DLG2: variants seen among roughly 807,000 people sequenced by gnomAD.
DLG2 encodes the protein discs large MAGUK scaffold protein 2, also known as disks large homolog 2.
A neutral mutation model predicts 132.5 loss-of-function variants in DLG2; 45 were observed. That is an observed-to-expected ratio of 0.34 (90% confidence interval 0.27 to 0.44). The LOEUF (loss-of-function observed/expected upper bound fraction) is 0.44. DLG2 is among the 20% of genes least tolerant of loss of function. The probability of loss-of-function intolerance (pLI) is 1.00; values close to 1 mark genes in which losing one functional copy is unlikely to be tolerated. For synonymous variants in DLG2, 424 were observed against 419.6 expected, an observed-to-expected ratio of 1.01 and a Z score of -0.13; for missense variants, 1,045 against 1,196.9, an observed-to-expected ratio of 0.87 and a Z score of 1.87.
chr11:84,663,431 A>G (rs1240851069), intron 6 of DLG2, among the ~76,000 whole-genome samples: 1 of 152,068 alleles, frequency 6.6e-6, no homozygotes, highest in Non-Finnish European at 1.5e-5. Flanking sequence ...ATCTATTCTA[A>G]CAGTCTATTG....
intron 3 of DLG2, among the ~76,000 whole-genome samples, chr11:85,471,189 G>T (rs980021235): frequency 1.3e-4 from 20 of 152,108 alleles, no homozygotes; most frequent in African/African-American, 4.8e-4. Context: ...TGTTCCAGAG[G>T]ATGAAAAAAT....
In DLG2 at chr11:83,465,799, A is replaced by G. The variant is rs909554204; in HGVS notation, c.2729+909T>C. 1.1e-4 allele frequency among the ~76,000 whole-genome samples: 17 copies of G among 152,202 alleles called. 1 individual carries two copies. Among genetic ancestry groups the G allele is most frequent in the Non-Finnish European group, 2.1e-4 (14 of 68,024 alleles). On this transcript the variant is annotated intron_variant, in intron 26 of 27. Coordinates refer to ENST00000376104, the MANE Select transcript of DLG2 (RefSeq NM_001142699.3). ...GCCTCGTTTCGAGGTGAGGAGCTAA[A>G]TCTTAGAAAGGTCAAGCAATTTGCC...
At chr11:85,443,430 A>G (rs944784514) in intron 3 of DLG2, among the ~76,000 whole-genome samples, 1 of 152,190 alleles carries the variant, frequency 6.6e-6, no homozygotes, top group African/African-American at 2.4e-5. Flanking sequence ...TTATTTCTTC[A>G]ATTATGAAAG....
intron 6 of DLG2, among the ~76,000 whole-genome samples, chr11:84,774,657 G>T (rs925702865): frequency 2.6e-5 from 4 of 152,074 alleles, no homozygotes; most frequent in Non-Finnish European, 5.9e-5. Flanking sequence ...ACAGCCACCT[G>T]CTCTTGACAA....
At chr11:84,464,046 A>G (rs955691176) in intron 7 of DLG2, among the ~76,000 whole-genome samples, 2 of 151,254 alleles carry the variant, frequency 1.3e-5, no homozygotes, top group African/African-American at 4.8e-5. Context: ...ACTCTAAAAT[A>G]TTCAAAAATG....
At chr11:84,933,808 T>C (rs1008585755) in intron 6 of DLG2, among the ~76,000 whole-genome samples, 2 of 152,170 alleles carry the variant, frequency 1.3e-5, no homozygotes, top group Admixed American at 6.5e-5. Flanking sequence ...CATCTGCAAA[T>C]AGAAATAATT....
intron 19 of DLG2, among the ~76,000 whole-genome samples, chr11:83,605,455 G>T (rs2059207676): frequency 6.6e-6 from 1 of 152,186 alleles, no homozygotes; most frequent in Non-Finnish European, 1.5e-5. Flanking sequence ...AAAGCAGTGG[G>T]ACCAGGGAAA....
chr11:85,607,290 C>T (rs2080638250), intron 2 of DLG2, among the ~76,000 whole-genome samples: 1 of 152,156 alleles, frequency 6.6e-6, no homozygotes. Flanking sequence ...CATTGGTTTG[C>T]CTGGAACCAG....
intron 6 of DLG2, among the ~76,000 whole-genome samples, chr11:84,905,805 T>C (rs2091439327): frequency 2.6e-5 from 4 of 152,224 alleles, no homozygotes; most frequent in Admixed American, 2.0e-4. Context: ...TCTTTCTTTT[T>C]CTTATTATTA....
intron 6 of DLG2, among the ~76,000 whole-genome samples, chr11:84,946,520 C>G (rs1215826478): frequency 1.3e-5 from 2 of 151,954 alleles, no homozygotes; most frequent in African/African-American, 4.8e-5. Context: ...GGAGCTAGAT[C>G]CTGAAATAGG....
At chr11:85,484,381 C>G (rs1329066500) in intron 3 of DLG2, among the ~76,000 whole-genome samples, 1 of 150,998 alleles carries the variant, frequency 6.6e-6, no homozygotes, top group East Asian at 1.9e-4. Context: ...AGCTTCTGCA[C>G]AGCAAAAGAA....
intron 6 of DLG2, among the ~76,000 whole-genome samples, chr11:84,607,377 C>G (rs1458528940): frequency 6.6e-6 from 1 of 152,122 alleles, no homozygotes. Flanking sequence ...CCACATAAAA[C>G]CTTCCACTTC....
chr11:84,651,284 C>T (rs955248854), intron 6 of DLG2, among the ~76,000 whole-genome samples: 7 of 152,112 alleles, frequency 4.6e-5, no homozygotes, highest in African/African-American at 1.7e-4. Flanking sequence ...TTTCATCATA[C>T]TTATTGTTCC....
intron 3 of DLG2, among the ~76,000 whole-genome samples, chr11:85,371,637 C>G (rs1319965144): frequency 6.6e-6 from 1 of 152,182 alleles, no homozygotes; most frequent in Non-Finnish European, 1.5e-5. Context: ...GCCTCATACC[C>G]TTGTCTATGC....
chr11:83,471,505 G>A (rs572267302), intron 24 of DLG2, 121 bp downstream of exon 24: 33 of 682,442 alleles, frequency 4.8e-5, no homozygotes, highest in African/African-American at 3.8e-4. Context: ...TCAGCTAATC[G>A]GAAATGGTTG....
intron 6 of DLG2, among the ~76,000 whole-genome samples, chr11:84,989,471 T>C (rs1257898882): frequency 2.0e-5 from 3 of 152,250 alleles, no homozygotes; most frequent in African/African-American, 7.2e-5. Flanking sequence ...CCACCATGAC[T>C]GGCCATAAGT....
chr11:85,447,192 C>T (rs1401163520), intron 3 of DLG2, among the ~76,000 whole-genome samples: 1 of 152,146 alleles, frequency 6.6e-6, no homozygotes, highest in Non-Finnish European at 1.5e-5. Flanking sequence ...ATCTAGCTTT[C>T]ACTTCTTTAT....
chr11:83,511,912 G>A (rs2095049750), intron 21 of DLG2, among the ~76,000 whole-genome samples: 1 of 151,992 alleles, frequency 6.6e-6, no homozygotes, highest in South Asian at 2.1e-4. Context: ...GGGATGTGTT[G>A]CTGAGTCTTA....
At chr11:85,397,026 G>T (rs1374284866) in intron 3 of DLG2, among the ~76,000 whole-genome samples, 1 of 152,164 alleles carries the variant, frequency 6.6e-6, no homozygotes, top group Non-Finnish European at 1.5e-5. Flanking sequence ...GGCATCCAAA[G>T]AGAGAGGTTG....
Sources: gnomAD v4.1 joint callset for allele counts (sites outside exome capture counted in the v4.1 genomes callset) on GRCh38, gnomAD v4.1.1 for gene constraint, MANE v1.5 for transcripts, NCBI Gene and HGNC (gene_info 2026-07-23, HGNC 2026-07-21) for gene names.